Variants in SIK3 observed in about 807,000 individuals in gnomAD.
SIK3 encodes the protein SIK family kinase 3, also known as serine/threonine-protein kinase SIK3.
A neutral mutation model predicts 144.2 loss-of-function variants in SIK3; 28 were observed. The ratio of observed to expected loss-of-function variants is 0.19; its 90% CI spans 0.14 to 0.27. The LOEUF is 0.27. SIK3 is among the 10% of genes least tolerant of loss of function. The pLI, the probability that SIK3 is intolerant of heterozygous loss-of-function variation, is 1.00. For synonymous variants in SIK3, 686 were observed against 676.3 expected (o/e 1.01, Z -0.22); for missense variants, 1,319 against 1,776.0 (o/e 0.74, Z 4.62).
At chr11:116,957,379 G>A (rs1477161993) in intron 1 of SIK3, among the ~76,000 whole-genome samples, 1 of 152,124 alleles carries the variant, frequency 6.6e-6, no homozygotes, top group Non-Finnish European at 1.5e-5. Context: ...GTCAAATCAT[G>A]TTTCAGTGCA....
At position 117,080,447 on chromosome 11, in the gene SIK3, A is replaced by G. The variant is rs141517292; in HGVS notation, c.273+17696T>C. Among the ~76,000 whole-genome samples, 9 of 152,370 alleles carry G rather than the reference A, an allele frequency of 5.9e-5. No individual in the cohort carries two copies. In the East Asian group the frequency reaches 1.7e-3, roughly 29 times the overall value. ...TTAAAAGAAGATCAGAACATTGTAT[A>G]TATCATGATGGAAAAGAATACATAA... On this transcript the variant is annotated intron_variant, in intron 1 of 24. Coordinates refer to ENST00000445177, the MANE Select transcript of SIK3 (RefSeq NM_001366686.3).
chr11:116,902,022 C>CA (rs1401325385), intron 4 of SIK3, among the ~76,000 whole-genome samples: 1 of 152,140 alleles, frequency 6.6e-6, no homozygotes. Flanking sequence ...CTTAGATTTG[C>CA]AAAAAACCTT....
intron 1 of SIK3, among the ~76,000 whole-genome samples, chr11:117,052,161 G>A (rs1241842295): frequency 6.6e-6 from 1 of 151,870 alleles, no homozygotes. Context: ...AAAAAAGAAA[G>A]GAAAGAAATC....
At chr11:116,943,395 C>T (rs1948418597) in intron 3 of SIK3, among the ~76,000 whole-genome samples, 1 of 152,134 alleles carries the variant, frequency 6.6e-6, no homozygotes, top group Admixed American at 6.5e-5. Context: ...ATCACTTTTC[C>T]AACCAACTCC....
At chr11:116,970,673 C>CA (rs1011337146) in intron 1 of SIK3, among the ~76,000 whole-genome samples, 1 of 152,032 alleles carries the variant, frequency 6.6e-6, no homozygotes, top group African/African-American at 2.4e-5. Flanking sequence ...CTTTTAGAGA[C>CA]AGAGTCTTGC....
At chr11:117,047,293 C>T (rs1348011868) in intron 1 of SIK3, among the ~76,000 whole-genome samples, 3 of 152,138 alleles carry the variant, frequency 2.0e-5, no homozygotes, top group Admixed American at 6.5e-5. Context: ...AAGTTTCACA[C>T]GTGACACTAG....
At chr11:116,996,688 C>T (rs1591503789) in intron 1 of SIK3, among the ~76,000 whole-genome samples, 1 of 151,502 alleles carries the variant, frequency 6.6e-6, no homozygotes, top group African/African-American at 2.4e-5. Flanking sequence ...GGTGTGGTGA[C>T]GGGCACCTGT....
chr11:116,877,079 G>A (rs1218238884), intron 6 of SIK3, 37 bp from the exon 7 acceptor site: 1 of 1,590,328 alleles, frequency 6.3e-7, no homozygotes, highest in South Asian at 1.1e-5. Context: ...AGTCTCTGGT[G>A]AGGGGAGGCA....
intron 1 of SIK3, among the ~76,000 whole-genome samples, chr11:117,068,378 C>T (rs1954111262): frequency 6.6e-6 from 1 of 152,198 alleles, no homozygotes; most frequent in South Asian, 2.1e-4. Flanking sequence ...CCCTGGAATG[C>T]TATCCCCATA....
intron 1 of SIK3, among the ~76,000 whole-genome samples, chr11:116,982,248 AACC>A (rs1485653078): frequency 6.6e-6 from 1 of 151,310 alleles, no homozygotes; most frequent in Non-Finnish European, 1.5e-5. Flanking sequence ...AAACCCTCAG[AACC>A]ACCACCACCT....
At chr11:116,970,650 G>C (rs1222593761) in intron 1 of SIK3, among the ~76,000 whole-genome samples, 1 of 151,136 alleles carries the variant, frequency 6.6e-6, no homozygotes, top group Non-Finnish European at 1.5e-5. Context: ...ACGCCCGGCT[G>C]TATTTGTTAT....
rs1565460940 is a variant in SIK3, at chr11:116,927,318, C to CGATCTGTTT, written c.508_516dup (p.Lys170_Ile172dup). The CGATCTGTTT allele has an allele frequency of 6.2e-7, 1 of 1,613,978 alleles. No individual in the cohort carries two copies. On this transcript the variant is annotated inframe_insertion, in exon 4 of 25. Transcript: ENST00000445177. ...CAGTGACAAAAATAGACAGCTGTGA[C>CGATCTGTTT]GATCTGTTTGAACTTCCGACGTGCC...
chr11:116,965,607 G>A (rs545042894), intron 1 of SIK3, among the ~76,000 whole-genome samples: 9 of 150,914 alleles, frequency 6.0e-5, no homozygotes, highest in Non-Finnish European at 1.3e-4. Flanking sequence ...AAAAAGAGAG[G>A]GAAGAGGCCA....
At chr11:116,893,768 A>G (rs1441951720) in intron 6 of SIK3, 4 of 152,770 alleles carry the variant, frequency 2.6e-5, no homozygotes, top group African/African-American at 9.7e-5. Flanking sequence ...GAAAAAGACT[A>G]AGGATATGCA....
intron 1 of SIK3, among the ~76,000 whole-genome samples, chr11:117,091,620 T>C (rs779750603): frequency 1.1e-4 from 16 of 152,152 alleles, no homozygotes; most frequent in African/African-American, 2.4e-5. Flanking sequence ...CAAATACTTG[T>C]TAGTTGATCA....
chr11:117,041,267 A>G (rs897154956), intron 1 of SIK3, among the ~76,000 whole-genome samples: 1 of 152,102 alleles, frequency 6.6e-6, no homozygotes, highest in Non-Finnish European at 1.5e-5. Flanking sequence ...ATGTGGAAGA[A>G]AGCCAGGTTT....
At chr11:116,962,198 T>G (rs1023442556) in intron 1 of SIK3, among the ~76,000 whole-genome samples, 7 of 152,190 alleles carry the variant, frequency 4.6e-5, no homozygotes, top group African/African-American at 1.7e-4. Context: ...CAAACCACCC[T>G]TCCCCATCAG....
In SIK3 at chr11:116,927,311, G is replaced by A. The variant is rs1312736232; in HGVS notation, c.524C>T (p.Ala175Val). 6.2e-7 allele frequency: 1 copy of A among 1,613,856 alleles called. No homozygotes were observed. The highest frequency in any genetic ancestry group is 1.3e-5 in the African/African-American group (1 of 74,914). ...ARRKFKQIVT[A>V]VYFCHCRNIV... ...GTTCCGACAGTGACAAAAATAGACA[G>A]CTGTGACGATCTGTTTGAACTTCCG... The change falls in exon 4 of 25, where the codon GCT becomes GTT. Residue 175 changes from alanine to valine, a missense_variant. By Grantham distance (64) the Ala-to-Val change is moderately conservative. Transcript: ENST00000445177.
At chr11:117,063,586 C>CTTT (rs769073456) in intron 1 of SIK3, among the ~76,000 whole-genome samples, 1 of 125,924 alleles carries the variant, frequency 7.9e-6, no homozygotes, top group African/African-American at 2.9e-5. Flanking sequence ...AATGAAGTTT[C>CTTT]TTTTTTTTTT....
Sources: gnomAD v4.1 joint callset for allele counts (sites outside exome capture counted in the v4.1 genomes callset) on GRCh38, gnomAD v4.1.1 for gene constraint, MANE v1.5 for transcripts, NCBI Gene and HGNC (gene_info 2026-07-23, HGNC 2026-07-21) for gene names.